The following MAN1A1 variants were observed in gnomAD, a reference collection of about 807,000 sequenced individuals.
The protein encoded by MAN1A1 is mannosidase alpha class 1A member 1.
In MAN1A1, 29 loss-of-function variants were observed where a neutral mutation model predicts 70.8. That is an observed-to-expected ratio of 0.41 (90% confidence interval 0.31 to 0.56). The LOEUF (loss-of-function observed/expected upper bound fraction) is 0.56. Among genes scored for constraint, MAN1A1 ranks in the 20% least tolerant of loss-of-function variants. The pLI is 0.29. For synonymous variants in MAN1A1, 349 were observed against 330.1 expected, an observed-to-expected ratio of 1.06 and a Z score of -0.62; for missense variants, 747 against 841.3, an observed-to-expected ratio of 0.89 and a Z score of 1.39.
At chr6:119,210,828 T>C in intron 6 of MAN1A1, 1 of 440,290 alleles carries the variant, frequency 2.3e-6, no homozygotes, top group South Asian at 1.6e-5. Context: ...ATTAGAGACA[T>C]AAACATCCAC....
intron 2 of MAN1A1, among the ~76,000 whole-genome samples, chr6:119,337,401 G>A (rs1023275288): frequency 4.6e-5 from 7 of 152,176 alleles, no homozygotes; most frequent in Admixed American, 1.3e-4. Context: ...AGTAACTCCT[G>A]TAGGCATGTT....
intron 2 of MAN1A1, among the ~76,000 whole-genome samples, chr6:119,336,362 C>G (rs1298256096): frequency 6.6e-6 from 1 of 152,202 alleles, no homozygotes; most frequent in Non-Finnish European, 1.5e-5. Context: ...GCCACTGCGC[C>G]CGGCACCAGC....
intron 6 of MAN1A1, among the ~76,000 whole-genome samples, chr6:119,235,254 A>G (rs1168957829): frequency 6.6e-6 from 1 of 152,240 alleles, no homozygotes; most frequent in Non-Finnish European, 1.5e-5. Context: ...TTAGTGAGGA[A>G]GGCATATCAA....
In MAN1A1 at chr6:119,262,990, G is replaced by C. The variant is rs560913195; in HGVS notation, c.898-14636C>G. Among the ~76,000 whole-genome samples, 24 of 152,272 alleles carry C rather than the reference G, an allele frequency of 1.6e-4. No homozygotes were observed. In the South Asian group the frequency reaches 2.1e-3, roughly 13 times the overall value. ...CTAATCAGCTTCCAGTGAATATAAAGTAGGCAGAAAAACGTGAAAAGGAGA... is the reference window on the plus strand; with the variant it reads ...CTAATCAGCTTCCAGTGAATATAAACTAGGCAGAAAAACGTGAAAAGGAGA... On this transcript the variant is annotated intron_variant, in intron 5 of 12. Coordinates refer to ENST00000368468, the MANE Select transcript of MAN1A1 (RefSeq NM_005907.4).
At chr6:119,223,075 C>T (rs1018474239) in intron 6 of MAN1A1, among the ~76,000 whole-genome samples, 5 of 151,930 alleles carry the variant, frequency 3.3e-5, no homozygotes, top group African/African-American at 1.2e-4. Flanking sequence ...AAATAAGAAA[C>T]AGGAAAAGAA....
In MAN1A1 at chr6:119,177,531, A is replaced by C. The variant is rs1773038659; in HGVS notation, c.*2288T>G. 6.6e-6 allele frequency: 1 copy of C among 152,134 alleles called. No individual in the cohort carries two copies. The highest frequency in any genetic ancestry group is 2.4e-5 in the African/African-American group (1 of 41,466). The allele number at this position is 152,134 out of a possible 1,614,324, so 9.4% of individuals were successfully genotyped here. Reference sequence around the variant, plus strand: ...TTCATCTTTCAGTATGTGAATACGTATACAAATTTAACTGCACAGTTTTGT... The same window carrying C: ...TTCATCTTTCAGTATGTGAATACGTCTACAAATTTAACTGCACAGTTTTGT... On this transcript the variant is annotated 3_prime_UTR_variant, in exon 13 of 13. Transcript: ENST00000368468.
intron 5 of MAN1A1, among the ~76,000 whole-genome samples, chr6:119,271,100 T>C (rs1265761210): frequency 6.6e-6 from 1 of 152,200 alleles, no homozygotes; most frequent in African/African-American, 2.4e-5. Flanking sequence ...CTAAGCATTG[T>C]ATGGCAAGAA....
rs542881874 is a variant in MAN1A1, at chr6:119,184,827, A to G, written c.1719+3578T>C. ...GTGAATATATACATACAATATTCTG[A>G]TAAAGCTCATGCTGTAAGTTATCAG... On this transcript the variant is annotated intron_variant, in intron 11 of 12. Coordinates refer to ENST00000368468, the MANE Select transcript of MAN1A1 (RefSeq NM_005907.4). Among the ~76,000 whole-genome samples the G allele has an allele frequency of 5.3e-5, 8 of 152,300 alleles. No homozygotes were observed. The South Asian group carries it at 1.7e-3, about 32-fold the overall frequency.
intron 2 of MAN1A1, among the ~76,000 whole-genome samples, chr6:119,331,568 T>C (rs1205169457): frequency 4.2e-5 from 4 of 95,340 alleles, no homozygotes; most frequent in African/African-American, 1.7e-4. Context: ...GTACATATTA[T>C]GCATATATAT....
intron 6 of MAN1A1, among the ~76,000 whole-genome samples, chr6:119,211,958 C>T (rs1017638442): frequency 1.3e-5 from 2 of 151,824 alleles, no homozygotes; most frequent in Non-Finnish European, 1.5e-5. Context: ...TCTCCTGCCT[C>T]AGCCTCCTGA....
chr6:119,348,330 G>A, intron 2 of MAN1A1, 133 bp downstream of exon 2: 1 of 849,460 alleles, frequency 1.2e-6, no homozygotes, highest in Non-Finnish European at 1.8e-6. Context: ...TTTTGACACA[G>A]CACCTGGTGG....
intron 2 of MAN1A1, among the ~76,000 whole-genome samples, chr6:119,322,866 G>A (rs575744161): frequency 9.2e-5 from 14 of 152,212 alleles, no homozygotes; most frequent in Non-Finnish European, 1.6e-4. Context: ...GTTTTCAACC[G>A]CTACGTAGCT....
At chr6:119,308,329 T>C (rs72968477) in intron 2 of MAN1A1, among the ~76,000 whole-genome samples, 15,372 of 152,232 alleles carry the variant, frequency 0.1, 990 homozygotes, top group Non-Finnish European at 0.14. Flanking sequence ...CTGAATCAGA[T>C]TGTTGATCTT....
At chr6:119,274,098 C>G (rs1775993057) in intron 5 of MAN1A1, among the ~76,000 whole-genome samples, 1 of 152,152 alleles carries the variant, frequency 6.6e-6, no homozygotes, top group African/African-American at 2.4e-5. Context: ...AGATGCCAGG[C>G]CACTGGATCT....
intron 10 of MAN1A1, 124 bp from the exon 11 acceptor site, chr6:119,188,701 C>T: frequency 1.1e-6 from 1 of 874,528 alleles, no homozygotes. Context: ...TTCCAGGACC[C>T]TCCGAGGATA....
rs1475201996 is a variant in MAN1A1, at chr6:119,250,028, CTT to C, written c.898-1676_898-1675del. Among the ~76,000 whole-genome samples, 21 of 152,198 alleles carry C rather than the reference CTT, an allele frequency of 1.4e-4. No homozygotes were observed. The South Asian group carries it at 2.1e-3, about 15-fold the overall frequency. ...ATTTTCTCCACAAATTATTGTAACT[CTT>C]GTCAAAGGGGACAATTCCCTGTATC... On this transcript the variant is annotated intron_variant, in intron 5 of 12. Transcript: ENST00000368468.
At chr6:119,193,404 C>T (rs189395767) in intron 9 of MAN1A1, among the ~76,000 whole-genome samples, 4 of 138,458 alleles carry the variant, frequency 2.9e-5, no homozygotes, top group Admixed American at 2.1e-4. Context: ...TGGAGGTAGC[C>T]ATTGGGACTG....
At position 119,189,614 on chromosome 6, in the gene MAN1A1, A is replaced by C. The variant is rs752089499; in HGVS notation, c.1546+50T>G. On this transcript the variant is annotated intron_variant, in intron 10 of 12. Coordinates refer to ENST00000368468, the MANE Select transcript of MAN1A1 (RefSeq NM_005907.4). ...GGGCAGCAATGACAAAACTGCATTAAATCAAAGCATGTGGGAATAGACCAT... is the reference window on the plus strand; with the variant it reads ...GGGCAGCAATGACAAAACTGCATTACATCAAAGCATGTGGGAATAGACCAT... 4 of 1,572,970 alleles carry C rather than the reference A, an allele frequency of 2.5e-6. No individual in the cohort carries two copies. The Admixed American group carries it at 5.0e-5, about 20-fold the overall frequency.
intron 11 of MAN1A1, among the ~76,000 whole-genome samples, chr6:119,184,370 A>G (rs1231166480): frequency 6.6e-6 from 1 of 152,230 alleles, no homozygotes; most frequent in Admixed American, 6.5e-5. Flanking sequence ...ACAAAGGATG[A>G]AGGGTAGGTA....
Sources: allele counts gnomAD v4.1 joint callset (sites outside exome capture counted in the v4.1 genomes callset), GRCh38; gene constraint gnomAD v4.1.1; transcripts MANE v1.5; gene names NCBI Gene and HGNC (gene_info 2026-07-23, HGNC 2026-07-21).